EEF1A2: variants seen among roughly 807,000 people sequenced by gnomAD.
The protein encoded by EEF1A2 is eukaryotic translation elongation factor 1 alpha 2, also known as elongation factor 1-alpha 2.
In EEF1A2, 5 loss-of-function variants were observed where a neutral mutation model predicts 39.3. The observed-to-expected ratio is 0.13, with a 90% CI of 0.07 to 0.27. The LOEUF (loss-of-function observed/expected upper bound fraction) is 0.27. Among genes scored for constraint, EEF1A2 ranks in the 10% least tolerant of loss-of-function variants. EEF1A2 has a pLI of 1.00. For missense variants in EEF1A2, 218 were observed against 681.4 expected (o/e 0.32, Z 7.57); for synonymous variants, 287 against 293.7 (o/e 0.98, Z 0.23).
rs915156206 is a variant in EEF1A2 at position 63,498,857 on chromosome 20, A to C, written c.-72+201T>G. 1.3e-5 allele frequency: 2 copies of C among 150,424 alleles called. No homozygotes were observed. The highest frequency in any genetic ancestry group is 2.4e-5 in the African/African-American group (1 of 41,166). The allele number at this position is 150,424 out of a possible 1,614,324, so 9.3% of individuals were successfully genotyped here. On this transcript the variant is annotated intron_variant, in intron 1 of 7. Coordinates refer to ENST00000217182, the MANE Select transcript of EEF1A2 (RefSeq NM_001958.5). The surrounding 1 kb of genome is among the most constrained non-coding windows in gnomAD (Gnocchi z 4.1). The stretch of plus-strand genomic sequence containing the variant: ...CACGGCTACGGGGCGATCGCCGCCC[A>C]GGACCCGGCCCCGCCGCCCCGCGCC...
At chr20:63,489,620 T>C (rs1465389109) in intron 6 of EEF1A2, among the ~76,000 whole-genome samples, 2 of 152,118 alleles carry the variant, frequency 1.3e-5, no homozygotes, top group Admixed American at 6.5e-5. Flanking sequence ...CCGTATCTAC[T>C]AATAATACAA....
intron 5 of EEF1A2, among the ~76,000 whole-genome samples, chr20:63,492,807 TAGAG>T (rs1207359399): frequency 2.5e-5 from 1 of 40,102 alleles, no homozygotes; most frequent in Admixed American, 2.6e-4. Context: ...GATGGTTCGA[TAGAG>T]AGAAGGATGG....
chr20:63,488,447 G>A (rs2082362880), intron 7 of EEF1A2, 22 bp from the exon 8 acceptor site: 4 of 1,420,440 alleles, frequency 2.8e-6, no homozygotes, highest in Non-Finnish European at 3.7e-6. Context: ...GGGGCGGCGT[G>A]TGGGCGGGGC....
rs1010638223 is a variant in EEF1A2, at chr20:63,493,675, A to C, written c.622-388T>G. ...AGTCTGGCCAAGGGCCAGGCCAGGGACAGAGCTGGAGGAGCCTCGCCCCAC... is the reference window on the plus strand; with the variant it reads ...AGTCTGGCCAAGGGCCAGGCCAGGGCCAGAGCTGGAGGAGCCTCGCCCCAC... On this transcript the variant is annotated intron_variant, in intron 4 of 7. Coordinates refer to ENST00000217182, the MANE Select transcript of EEF1A2 (RefSeq NM_001958.5). Among the ~76,000 whole-genome samples, 3 of 152,286 alleles carry C rather than the reference A, an allele frequency of 2.0e-5. No homozygotes were observed. The East Asian group carries it at 5.8e-4, about 29-fold the overall frequency.
In EEF1A2 at chr20:63,489,075, G is replaced by A. The variant is rs1175446957; in HGVS notation, c.1107C>T (p.Ala369=). 2 of 1,612,796 alleles carry A rather than the reference G, an allele frequency of 1.2e-6. No homozygotes were observed. Among genetic ancestry groups the A allele is most frequent in the African/African-American group, 1.3e-5 (1 of 75,082 alleles). The change falls in exon 7 of 8, where the codon GCC becomes GCT. Residue 369 remains alanine (A), a synonymous_variant. Transcript: ENST00000217182. Reference sequence around the variant, plus strand: ...TCTCCTTCAGCTCCGCAAACTTGCAGGCGATGTGGGCTGTGTGGCAGTCGA... The same window carrying A: ...TCTCCTTCAGCTCCGCAAACTTGCAAGCGATGTGGGCTGTGTGGCAGTCGA... ...PVIDCHTAHI[A]CKFAELKEKI...
At position 63,490,843 on chromosome 20, in the gene EEF1A2, C is replaced by T; in HGVS notation, c.773-108G>A. On this transcript the variant is annotated intron_variant, in intron 5 of 7. Transcript: ENST00000217182. Reference sequence around the variant, plus strand: ...CAACAAAGCCTGGGACTGGATCCCCCCGACAGGCCTGGGGGTTGGGGCCAC... The same window carrying T: ...CAACAAAGCCTGGGACTGGATCCCCTCGACAGGCCTGGGGGTTGGGGCCAC... The T allele has an allele frequency of 5.1e-6, 7 of 1,363,300 alleles. No individual in the cohort carries two copies. In the South Asian group the frequency reaches 8.2e-5, roughly 16 times the overall value. The allele number at this position is 1,363,300 out of a possible 1,614,324, so 84.5% of individuals were successfully genotyped here. A position where few individuals can be genotyped will look rare whatever the true frequency, so the allele number is the denominator to read the frequency against.
chr20:63,488,889 C>A (rs781709619), intron 7 of EEF1A2, 29 bp downstream of exon 7: 1 of 1,602,916 alleles, frequency 6.2e-7, no homozygotes, highest in Non-Finnish European at 8.5e-7. Flanking sequence ...AGCCTGGGGG[C>A]TGCACCTCCC....
Position 63,497,489 on chromosome 20 carries a change from C to CG in EEF1A2, c.144+130dup, listed in dbSNP as rs1221461400. 7 of 1,418,210 alleles carry CG rather than the reference C, an allele frequency of 4.9e-6. No homozygotes were observed. Among genetic ancestry groups the CG allele is most frequent in the Non-Finnish European group, 6.6e-6 (7 of 1,058,808 alleles). The allele number at this position is 1,418,210 out of a possible 1,614,324, so 87.9% of individuals were successfully genotyped here. Reference sequence around the variant, plus strand: ...CCTCTGAGGCCTGAGTGCCCCACAGCGGGGGTCCCTCCTGCCCTGGAGGAG... The same window carrying CG: ...CCTCTGAGGCCTGAGTGCCCCACAGCGGGGGGTCCCTCCTGCCCTGGAGGAG... On this transcript the variant is annotated intron_variant, in intron 2 of 7. Transcript: ENST00000217182. This position sits in a 1 kb window ranked among gnomAD's most constrained non-coding sequence, Gnocchi z 7.3.
intron 2 of EEF1A2, 47 bp from the exon 3 acceptor site, chr20:63,496,082 G>C (rs1266090344): frequency 1.2e-6 from 2 of 1,603,852 alleles, no homozygotes; most frequent in African/African-American, 2.7e-5. Flanking sequence ...CGGGACCCAG[G>C]AGTCCCTGGT....
At chr20:63,492,096 G>A (rs1266354944) in intron 5 of EEF1A2, among the ~76,000 whole-genome samples, 1 of 140,186 alleles carries the variant, frequency 7.1e-6, no homozygotes, top group Non-Finnish European at 1.5e-5. Context: ...GTGGATGGGT[G>A]GATGGGGAGA....
intron 5 of EEF1A2, among the ~76,000 whole-genome samples, chr20:63,492,464 GGAT>G: frequency 9.3e-6 from 1 of 107,608 alleles, no homozygotes; most frequent in Non-Finnish European, 2.0e-5. Context: ...ATGGATGGAT[GGAT>G]GGAGAGATGG....
rs895047336 is a variant in EEF1A2, at chr20:63,497,890, C to G, written c.-71-56G>C. 2.3e-6 allele frequency: 3 copies of G among 1,278,482 alleles called. No homozygotes were observed. The highest frequency in any genetic ancestry group is 1.5e-5 in the African/African-American group (1 of 67,036). The allele number at this position is 1,278,482 out of a possible 1,614,324, so 79.2% of individuals were successfully genotyped here. A position where few individuals can be genotyped will look rare whatever the true frequency, so the allele number is the denominator to read the frequency against. On this transcript the variant is annotated intron_variant, in intron 1 of 7. Transcript: ENST00000217182. This position sits in a 1 kb window ranked among gnomAD's most constrained non-coding sequence, Gnocchi z 7.3. Reference sequence around the variant, plus strand: ...TGATGGGGAGCCCCAGGGGGAGACACCAGCAGAGACTGTCCTGGCACAGGC... The same window carrying G: ...TGATGGGGAGCCCCAGGGGGAGACAGCAGCAGAGACTGTCCTGGCACAGGC...
chr20:63,493,396 T>TC (rs1317821121), intron 4 of EEF1A2, 109 bp from the exon 5 acceptor site: 28 of 1,320,286 alleles, frequency 2.1e-5, no homozygotes, highest in Non-Finnish European at 2.6e-5. Context: ...TAAACTTGCC[T>TC]CGTGCCCTTT....
rs2082425507 is a variant in EEF1A2, at chr20:63,497,878, CA to C, written c.-71-45del. The C allele has an allele frequency of 2.2e-6, 3 of 1,370,648 alleles. No homozygotes were observed. Among genetic ancestry groups the C allele is most frequent in the African/African-American group, 2.9e-5 (2 of 69,078 alleles). 84.9% of individuals were successfully genotyped at this position (1,370,648 alleles called of 1,614,324 possible). A position where few individuals can be genotyped will look rare whatever the true frequency, so the allele number is the denominator to read the frequency against. On this transcript the variant is annotated intron_variant, in intron 1 of 7. Transcript: ENST00000217182. This position sits in a 1 kb window ranked among gnomAD's most constrained non-coding sequence, Gnocchi z 7.3. ...TGGGGAGACCGGTGATGGGGAGCCC[CA>C]GGGGGAGACACCAGCAGAGACTGTC...
At position 63,489,992 on chromosome 20, in the gene EEF1A2, T is replaced by C. The variant is rs2082370564; in HGVS notation, c.1029+487A>G. 1.9e-5 allele frequency: 3 copies of C among 159,484 alleles called. No homozygotes were observed. In the South Asian group the frequency reaches 5.5e-4, roughly 29 times the overall value. The allele number at this position is 159,484 out of a possible 1,614,324, so 9.9% of individuals were successfully genotyped here. A position where few individuals can be genotyped will look rare whatever the true frequency, so the allele number is the denominator to read the frequency against. On this transcript the variant is annotated intron_variant, in intron 6 of 7. Transcript: ENST00000217182. ...CACACAGGCTGGGAGCCACAGGGCC[T>C]GCACCCCTCCCAGAACTGATTGATC...
At chr20:63,495,790 G>A in intron 3 of EEF1A2, 66 bp downstream of exon 3, 1 of 1,571,242 alleles carries the variant, frequency 6.4e-7, no homozygotes, top group East Asian at 2.3e-5. Flanking sequence ...GACCCCAGGG[G>A]CCCCCAGTGT....
At chr20:63,494,372 C>T (rs1322368472) in intron 4 of EEF1A2, among the ~76,000 whole-genome samples, 1 of 152,232 alleles carries the variant, frequency 6.6e-6, no homozygotes, top group African/African-American at 2.4e-5. Flanking sequence ...CAAAGCCCAA[C>T]CCTGCTCCAA....
rs897078195 is a variant in EEF1A2, at chr20:63,497,644, C to T, written c.120G>A (p.Glu40=). The T allele has an allele frequency of 6.2e-7, 1 of 1,612,938 alleles. No individual in the cohort carries two copies. The highest frequency in any genetic ancestry group is 1.3e-5 in the African/African-American group (1 of 74,934). The stretch of plus-strand genomic sequence containing the variant: ...CCTCAGCCGCCTCCTTCTCGAACTT[C>T]TCAATGGTCCTTTTGTCAATACCTC... ...KCGGIDKRTI[E]KFEKEAAEMG... The change falls in exon 2 of 8, where the codon GAG becomes GAA. Residue 40 remains glutamate, a synonymous_variant. Coordinates refer to ENST00000217182, the MANE Select transcript of EEF1A2 (RefSeq NM_001958.5). This position sits in a 1 kb window ranked among gnomAD's most constrained non-coding sequence, Gnocchi z 7.3.
chr20:63,495,612 A>G (rs1164510303), intron 3 of EEF1A2, among the ~76,000 whole-genome samples: 1 of 152,042 alleles, frequency 6.6e-6, no homozygotes, highest in Non-Finnish European at 1.5e-5. Flanking sequence ...ATCTGCCCCC[A>G]TCTATCTGGG....
Sources: gnomAD v4.1 joint callset for allele counts (sites outside exome capture counted in the v4.1 genomes callset) on GRCh38, gnomAD v4.1.1 for gene constraint, Gnocchi (gnomAD v3.1) non-coding constraint, MANE v1.5 for transcripts, NCBI Gene and HGNC (gene_info 2026-07-23, HGNC 2026-07-21) for gene names.